Variants in ARFGEF1 observed in about 807,000 individuals in gnomAD.
The protein encoded by ARFGEF1 is ARF guanine nucleotide exchange factor 1.
A neutral mutation model predicts 231.0 loss-of-function variants in ARFGEF1; 42 were observed. The ratio of observed to expected loss-of-function variants is 0.18; its 90% CI spans 0.14 to 0.24. The LOEUF (loss-of-function observed/expected upper bound fraction) is 0.24. ARFGEF1 is among the 10% of genes least tolerant of loss of function. The pLI, the probability that ARFGEF1 is intolerant of heterozygous loss-of-function variation, is 1.00. For synonymous variants in ARFGEF1, 710 were observed against 732.3 expected, an observed-to-expected ratio of 0.97 and a Z score of 0.49; for missense variants, 1,345 against 2,192.0, an observed-to-expected ratio of 0.61 and a Z score of 7.72.
rs779343127 is a variant in ARFGEF1 at position 67,217,871 on chromosome 8, A to C, written c.4524T>G (p.Val1508=). ...GGGTAAATTTTTCACCATTCAGAAT[A>C]ACAACATTCTCTAAACAGTTTGTAC... ...RSGTNCLENV[V]ILNGEKFTLE... Residue 1508 remains valine (V), a synonymous_variant, in exon 32 of 39, where the codon GTT becomes GTG. Transcript: ENST00000262215. 2.5e-6 allele frequency: 4 copies of C among 1,614,100 alleles called. No individual in the cohort carries two copies. In the East Asian group the frequency reaches 6.7e-5, roughly 27 times the overall value.
chr8:67,201,122 A>C (rs1023757254), intron 37 of ARFGEF1, among the ~76,000 whole-genome samples: 11 of 152,230 alleles, frequency 7.2e-5, no homozygotes, highest in African/African-American at 2.7e-4. Flanking sequence ...GAAAAACTCC[A>C]AATATTTTTT....
chr8:67,269,952 G>A lies in ARFGEF1; in HGVS notation c.1572+1750C>T, dbSNP rs542189655. On this transcript the variant is annotated intron_variant, in intron 10 of 38. Coordinates refer to ENST00000262215, the MANE Select transcript of ARFGEF1 (RefSeq NM_006421.5). The stretch of plus-strand genomic sequence containing the variant: ...ATCTAAGAATTTATATTTTACTGTC[G>A]GTAAACAGTACCTACAGAAGCAGAA... Among the ~76,000 whole-genome samples the A allele has an allele frequency of 6.6e-5, 10 of 151,720 alleles. No homozygotes were observed. In the East Asian group the frequency reaches 1.4e-3, roughly 21 times the overall value.
intron 19 of ARFGEF1, among the ~76,000 whole-genome samples, chr8:67,246,651 A>C (rs951389195): frequency 6.6e-6 from 1 of 150,392 alleles, no homozygotes; most frequent in African/African-American, 2.5e-5. Flanking sequence ...CTACATCAAA[A>C]AAGAAGAAAA....
chr8:67,238,879 T>C lies in ARFGEF1; in HGVS notation c.2994A>G (p.Ala998=), dbSNP rs147621830. The change falls in exon 21 of 39, where the codon GCA becomes GCG. Residue 998 remains alanine (A), a synonymous_variant. Transcript: ENST00000262215. ...TAAATCTTGCTAGTGCCTGGACATA[T>C]GCATCTCTCTCCAGCTATAAAAAAG... is the stretch of plus-strand genomic sequence containing the variant. ...CIFSIQLERD[A]YVQALARFTL... 923 of 1,613,470 alleles carry C rather than the reference T, an allele frequency of 5.7e-4. 3 individuals carry two copies. Among genetic ancestry groups the C allele is most frequent in the Middle Eastern group, 5.1e-3 (31 of 6,056 alleles).
At chr8:67,301,404 T>C in intron 2 of ARFGEF1, 24 bp from the exon 3 acceptor site, 12 of 1,592,470 alleles carry the variant, frequency 7.5e-6, no homozygotes, top group Non-Finnish European at 1.0e-5. Flanking sequence ...AAAAGTCTGA[T>C]TATAGCGTAT....
intron 7 of ARFGEF1, among the ~76,000 whole-genome samples, chr8:67,286,428 G>C (rs556144605): frequency 6.6e-6 from 1 of 152,048 alleles, no homozygotes; most frequent in Non-Finnish European, 1.5e-5. Context: ...TTTTATAAAG[G>C]GTCAGATGAT....
intron 1 of ARFGEF1, among the ~76,000 whole-genome samples, chr8:67,323,206 C>T (rs377762963): frequency 6.6e-6 from 1 of 152,166 alleles, no homozygotes; most frequent in South Asian, 2.1e-4. Flanking sequence ...GAGCAGACAT[C>T]GCGCCACTGC....
chr8:67,251,810 A>G (rs1028979190), intron 18 of ARFGEF1, among the ~76,000 whole-genome samples: 1 of 152,098 alleles, frequency 6.6e-6, no homozygotes, highest in African/African-American at 2.4e-5. Flanking sequence ...TTAAATGGCT[A>G]ATTTTATGTT....
chr8:67,199,628 C>G (rs895066835), intron 38 of ARFGEF1: 1 of 155,808 alleles, frequency 6.4e-6, no homozygotes, highest in Non-Finnish European at 1.4e-5. Context: ...TTTCCTACCC[C>G]TTCTGTACCC....
chr8:67,239,284 G>C (rs975746978), intron 20 of ARFGEF1, among the ~76,000 whole-genome samples: 1 of 152,122 alleles, frequency 6.6e-6, no homozygotes, highest in African/African-American at 2.4e-5. Context: ...GGGATTACAG[G>C]CTTGAGCCAC....
chr8:67,342,797 C>A (rs887798538), intron 1 of ARFGEF1, among the ~76,000 whole-genome samples: 4 of 152,170 alleles, frequency 2.6e-5, no homozygotes, highest in Admixed American at 1.3e-4. Context: ...CCTCAATTTC[C>A]AAGCTAATAA....
chr8:67,188,676 C>A (rs535482878), intron 5 of ARFGEF1, among the ~76,000 whole-genome samples: 457 of 152,288 alleles, frequency 3.0e-3, no homozygotes, highest in Middle Eastern at 0.017. Context: ...CTGTTTGCCG[C>A]CGTTGCAGAC....
At chr8:67,335,101 A>ATTT (rs1166810807) in intron 1 of ARFGEF1, among the ~76,000 whole-genome samples, 61 of 132,358 alleles carry the variant, frequency 4.6e-4, no homozygotes, top group Middle Eastern at 4.1e-3. Flanking sequence ...ATCACGGTAA[A>ATTT]TTTTTTTTTT....
chr8:67,181,706 TA>T (rs1833095455), intron 5 of ARFGEF1, among the ~76,000 whole-genome samples: 1 of 152,214 alleles, frequency 6.6e-6, no homozygotes, highest in Non-Finnish European at 1.5e-5. Flanking sequence ...TTTACCATTT[TA>T]ACCATTTTAA....
At position 67,203,088 on chromosome 8, in the gene ARFGEF1, T is replaced by G. The variant is rs1223715004; in HGVS notation, c.5123A>C (p.Lys1708Thr). 12 of 1,611,654 alleles carry G rather than the reference T, an allele frequency of 7.4e-6. No individual in the cohort carries two copies. The highest frequency in any genetic ancestry group is 9.3e-6 in the Non-Finnish European group (11 of 1,179,130). ...GTGAGGCGTGTGCAGCTTACCTGCT[T>G]TCCACAGGGCAGTCCTCTGTTCGTT... The part of the protein sequence containing the change: ...SNNEQRTALW[K>T]AGFKGKSKPN... Residue 1708 changes from lysine to threonine, a missense_variant, in exon 36 of 39, where the codon AAA (lysine) becomes ACA (threonine). Around this residue, in one of 14 missense-constraint regions of ARFGEF1, gnomAD observed 161 missense variants for 284.9 expected, o/e 0.57. Coordinates refer to ENST00000262215, the MANE Select transcript of ARFGEF1 (RefSeq NM_006421.5).
chr8:67,190,220 A>G (rs1835826814), intron 5 of ARFGEF1, among the ~76,000 whole-genome samples: 1 of 152,252 alleles, frequency 6.6e-6, no homozygotes, highest in Admixed American at 6.5e-5. Flanking sequence ...ACGTATCCAT[A>G]TGATGGAGTA....
intron 18 of ARFGEF1, among the ~76,000 whole-genome samples, 155 bp downstream of exon 18, chr8:67,253,296 G>A (rs1052120623): frequency 1.3e-5 from 2 of 151,872 alleles, no homozygotes; most frequent in African/African-American, 2.4e-5. Flanking sequence ...TGCTGGTCTC[G>A]AACTCCTGGG....
chr8:67,286,526 G>A (rs1213689603), intron 7 of ARFGEF1, among the ~76,000 whole-genome samples: 1 of 152,096 alleles, frequency 6.6e-6, no homozygotes, highest in Non-Finnish European at 1.5e-5. Flanking sequence ...TCTGTAGGCA[G>A]TATAAAAACA....
intron 5 of ARFGEF1, among the ~76,000 whole-genome samples, chr8:67,292,953 G>A (rs975117197): frequency 2.0e-5 from 3 of 151,966 alleles, no homozygotes; most frequent in South Asian, 4.2e-4. Context: ...AGAATTACAC[G>A]AATTTATAAA....
Sources: allele counts gnomAD v4.1 joint callset (sites outside exome capture counted in the v4.1 genomes callset), GRCh38; gene constraint gnomAD v4.1.1; regional missense constraint gnomAD v4.1.1; transcripts MANE v1.5; gene names NCBI Gene and HGNC (gene_info 2026-07-23, HGNC 2026-07-21).